BTBD9: variants seen among roughly 807,000 people sequenced by gnomAD.
BTBD9 encodes BTB domain containing 9.
In BTBD9, 49 loss-of-function variants were observed where a neutral mutation model predicts 64.3. The observed-to-expected ratio is 0.76, with a 90% CI of 0.61 to 0.97. The LOEUF is 0.97. Among genes scored for constraint, BTBD9 ranks in the 50% least tolerant of loss-of-function variants. BTBD9 has a pLI of 0.00. For missense variants in BTBD9, 598 were observed against 762.1 expected (o/e 0.78, Z 2.53); for synonymous variants, 260 against 274.7 (o/e 0.95, Z 0.53).
chr6:38,244,243 T>C (rs1421168397), intron 9 of BTBD9, among the ~76,000 whole-genome samples: 1 of 152,122 alleles, frequency 6.6e-6, no homozygotes, highest in Non-Finnish European at 1.5e-5. Flanking sequence ...TGTACACCCA[T>C]TTCAGGGGAG....
At chr6:38,338,166 G>A (rs1763968495) in intron 7 of BTBD9, among the ~76,000 whole-genome samples, 1 of 152,124 alleles carries the variant, frequency 6.6e-6, no homozygotes, top group East Asian at 1.9e-4. Context: ...ACTTCATGTA[G>A]TACCAAACTC....
chr6:38,188,381 C>G (rs1428031092), intron 10 of BTBD9, among the ~76,000 whole-genome samples: 5 of 152,222 alleles, frequency 3.3e-5, no homozygotes, highest in African/African-American at 4.8e-5. Flanking sequence ...TCCATAGGAG[C>G]CTCCATGCTG....
chr6:38,427,182 TA>T (rs10709700), intron 6 of BTBD9, among the ~76,000 whole-genome samples: 31,452 of 140,758 alleles, frequency 0.22, 3,649 homozygotes, highest in East Asian at 0.47. Flanking sequence ...TGAGGAGCTT[TA>T]AAAAAAAAAA....
chr6:38,636,821 T>C (rs562879126), intron 1 of BTBD9, among the ~76,000 whole-genome samples: 8 of 152,128 alleles, frequency 5.3e-5, no homozygotes, highest in African/African-American at 1.9e-4. Context: ...CCTCATCACT[T>C]CCCCCATGCA....
chr6:38,261,008 T>G (rs543621668), intron 8 of BTBD9, among the ~76,000 whole-genome samples: 1 of 152,286 alleles, frequency 6.6e-6, no homozygotes, highest in South Asian at 2.1e-4. Context: ...GGCACAATCA[T>G]AGCTCACTGC....
In BTBD9 at chr6:38,376,141, AT is replaced by A. The variant is rs910650884; in HGVS notation, c.1155-31049del. 1.0e-3 allele frequency among the ~76,000 whole-genome samples: 153 copies of A among 152,208 alleles called. 1 individual carries two copies. The highest frequency in any genetic ancestry group is 3.1e-3 in the African/African-American group (129 of 41,556). On this transcript the variant is annotated intron_variant, in intron 6 of 10. Transcript: ENST00000481247. ...ACAAAAGAAAAATTGCCCATGTGGC[AT>A]TTTTTTCCCCCACAAAAGACAGATG...
chr6:38,181,863 CTG>C (rs1454722257), intron 10 of BTBD9, among the ~76,000 whole-genome samples: 1 of 152,128 alleles, frequency 6.6e-6, no homozygotes, highest in Non-Finnish European at 1.5e-5. Flanking sequence ...TGGCAGATGC[CTG>C]TAATCCCAGC....
At chr6:38,353,467 A>G (rs1424447336) in intron 6 of BTBD9, among the ~76,000 whole-genome samples, 1 of 152,180 alleles carries the variant, frequency 6.6e-6, no homozygotes, top group Non-Finnish European at 1.5e-5. Context: ...AGGGAGAAAG[A>G]GAAAAACGAA....
At chr6:38,345,184 T>TA in intron 6 of BTBD9, 91 bp from the exon 7 acceptor site, 1 of 749,294 alleles carries the variant, frequency 1.3e-6, no homozygotes, top group South Asian at 1.9e-5. Context: ...CACCTAAACA[T>TA]AGAGTGCACC....
At chr6:38,313,752 T>C (rs901058759) in intron 7 of BTBD9, among the ~76,000 whole-genome samples, 72 of 148,312 alleles carry the variant, frequency 4.9e-4, no homozygotes, top group Admixed American at 1.4e-3. Flanking sequence ...ATTATCTTTT[T>C]TTTTTTTTTT....
chr6:38,528,464 G>T (rs1238651423), intron 6 of BTBD9, among the ~76,000 whole-genome samples: 1 of 152,126 alleles, frequency 6.6e-6, no homozygotes, highest in African/African-American at 2.4e-5. Context: ...GGAAATGCTT[G>T]CAACACCCCT....
At chr6:38,420,069 T>C (rs991910897) in intron 6 of BTBD9, among the ~76,000 whole-genome samples, 3 of 152,146 alleles carry the variant, frequency 2.0e-5, no homozygotes, top group African/African-American at 7.2e-5. Flanking sequence ...GACATCTCAT[T>C]TCCTAACAAA....
intron 10 of BTBD9, among the ~76,000 whole-genome samples, chr6:38,191,205 C>G (rs567957989): frequency 6.6e-6 from 1 of 152,310 alleles, no homozygotes; most frequent in Non-Finnish European, 1.5e-5. Context: ...CTGCAAGAAA[C>G]ACATTGTAGA....
chr6:38,327,291 A>G (rs1338699444), intron 7 of BTBD9, among the ~76,000 whole-genome samples: 5 of 152,178 alleles, frequency 3.3e-5, no homozygotes, highest in Admixed American at 2.6e-4. Context: ...CTCACCCACC[A>G]GGCTTCCACT....
intron 6 of BTBD9, among the ~76,000 whole-genome samples, chr6:38,527,149 A>T (rs1415856105): frequency 4.0e-5 from 6 of 150,958 alleles, no homozygotes. Flanking sequence ...GGTGGCATGT[A>T]CCTGTAATCC....
chr6:38,587,783 A>T, intron 4 of BTBD9: 1 of 710,618 alleles, frequency 1.4e-6, no homozygotes. Flanking sequence ...GCTTCTTCGG[A>T]TTCTTCTGGA....
chr6:38,581,085 G>A (rs747639142), intron 4 of BTBD9, among the ~76,000 whole-genome samples: 11 of 152,154 alleles, frequency 7.2e-5, no homozygotes, highest in South Asian at 2.1e-4. Context: ...CCAGCTACTC[G>A]GGAGGCTGAG....
rs1188438837 is a variant in BTBD9, at chr6:38,232,138, A to G, written c.1562+24271T>C. 3.9e-5 allele frequency among the ~76,000 whole-genome samples: 6 copies of G among 152,248 alleles called. No homozygotes were observed. The East Asian group carries it at 1.2e-3, about 29-fold the overall frequency. On this transcript the variant is annotated intron_variant, in intron 9 of 10. Coordinates refer to ENST00000481247, the MANE Select transcript of BTBD9 (RefSeq NM_001099272.2). ...AAGCTGTAGGGGTTCTATAATCTGG[A>G]GTATTCATGGTCACAAAACAGGACA...
chr6:38,389,164 C>T (rs1409630074), intron 6 of BTBD9, among the ~76,000 whole-genome samples: 1 of 152,126 alleles, frequency 6.6e-6, no homozygotes, highest in African/African-American at 2.4e-5. Flanking sequence ...ATTTTAAAGA[C>T]ATATATTATA....
Sources: gnomAD v4.1 joint callset for allele counts (sites outside exome capture counted in the v4.1 genomes callset) on GRCh38, gnomAD v4.1.1 for gene constraint, MANE v1.5 for transcripts, NCBI Gene and HGNC (gene_info 2026-07-23, HGNC 2026-07-21) for gene names.